DHRSX: variants seen among roughly 807,000 people sequenced by gnomAD.
DHRSX encodes the protein dehydrogenase/reductase X-linked.
DHRSX carries 31 observed loss-of-function variants against 34.0 expected under a neutral mutation model. The ratio of observed to expected loss-of-function variants is 0.91; its 90% CI spans 0.69 to 1.23. The LOEUF (loss-of-function observed/expected upper bound fraction) is 1.23. Among genes scored for constraint, DHRSX ranks in the 50% most tolerant of loss-of-function variants. The probability of loss-of-function intolerance (pLI) is 0.00; values close to 1 mark genes in which losing one functional copy is unlikely to be tolerated. For missense variants in DHRSX, 414 were observed against 428.1 expected, an observed-to-expected ratio of 0.97 and a Z score of 0.29; for synonymous variants, 201 against 183.8, an observed-to-expected ratio of 1.09 and a Z score of -0.76.
chrX:2,359,686 AAAG>A (rs1341348056), intron 3 of DHRSX, among the ~76,000 whole-genome samples: 1 of 152,052 alleles, frequency 6.6e-6, no homozygotes, highest in Non-Finnish European at 1.5e-5. Context: ...TATCAAAAAA[AAAG>A]AAAGAAAGAA....
rs997771867 is a variant in DHRSX at position 2,395,596 on chromosome X, C to T, written c.286+13149G>A. Among the ~76,000 whole-genome samples, 6 of 152,086 alleles carry T rather than the reference C, an allele frequency of 3.9e-5. No homozygotes were observed. In the South Asian group the frequency reaches 6.2e-4, roughly 16 times the overall value. On this transcript the variant is annotated intron_variant, in intron 3 of 6. Transcript: ENST00000334651. ...GAGAGGACTGAGTAAGGGATGTTCC[C>T]GTGACTGCAAGGAAGGCATGGATGG...
At chrX:2,335,139 C>T (rs1316380267) in intron 3 of DHRSX, among the ~76,000 whole-genome samples, 1 of 147,992 alleles carries the variant, frequency 6.8e-6, no homozygotes, top group Admixed American at 6.8e-5. Flanking sequence ...GAGCCGAGAT[C>T]GTACCACTGC....
chrX:2,291,673 A>G, intron 3 of DHRSX, 70 bp from the exon 4 acceptor site: 1 of 1,126,646 alleles, frequency 8.9e-7, no homozygotes, highest in Non-Finnish European at 1.4e-6. Context: ...GAAAATTTCT[A>G]AACAGGTCAA....
At chrX:2,414,002 G>A (rs971652545) in intron 2 of DHRSX, among the ~76,000 whole-genome samples, 7 of 150,794 alleles carry the variant, frequency 4.6e-5, no homozygotes, top group Admixed American at 1.3e-4. Flanking sequence ...CACAACCAAC[G>A]ACACTAGACC....
At chrX:2,498,366 G>A (rs1050438846) in intron 1 of DHRSX, among the ~76,000 whole-genome samples, 2 of 152,180 alleles carry the variant, frequency 1.3e-5, no homozygotes, top group African/African-American at 2.4e-5. Flanking sequence ...CTACCAGAGA[G>A]AAGCAAATAA....
intron 3 of DHRSX, among the ~76,000 whole-genome samples, chrX:2,323,430 G>A (rs1359633022): frequency 6.6e-6 from 1 of 152,034 alleles, no homozygotes; most frequent in Non-Finnish European, 1.5e-5. Context: ...CTCAAGACAG[G>A]CCAAGGCAGA....
chrX:2,245,447 T>A (rs1286499225), intron 5 of DHRSX, among the ~76,000 whole-genome samples: 1 of 151,854 alleles, frequency 6.6e-6, no homozygotes, highest in Non-Finnish European at 1.5e-5. Context: ...TAGCTGGGAT[T>A]ACCAGCGCCC....
intron 3 of DHRSX, among the ~76,000 whole-genome samples, chrX:2,359,374 A>G (rs1362106032): frequency 2.6e-5 from 4 of 152,222 alleles, no homozygotes. Context: ...TGGTAGACAG[A>G]ATAAAGAAAA....
chrX:2,497,381 G>A (rs1048948992), intron 1 of DHRSX, among the ~76,000 whole-genome samples: 36 of 152,090 alleles, frequency 2.4e-4, no homozygotes, highest in Non-Finnish European at 4.3e-4. Flanking sequence ...AAACAAAAGC[G>A]AAACTTGGTC....
At chrX:2,347,162 G>T (rs1354450094) in intron 3 of DHRSX, among the ~76,000 whole-genome samples, 1 of 152,140 alleles carries the variant, frequency 6.6e-6, no homozygotes, top group Non-Finnish European at 1.5e-5. Context: ...GGTTTAACTG[G>T]ACTTACAGTT....
chrX:2,289,070 C>T (rs1462388713), intron 4 of DHRSX, among the ~76,000 whole-genome samples: 4 of 152,128 alleles, frequency 2.6e-5, no homozygotes, highest in Non-Finnish European at 5.9e-5. Flanking sequence ...TCTGCTCCCC[C>T]CAGAACACAG....
chrX:2,455,951 C>T (rs774422790), intron 1 of DHRSX, among the ~76,000 whole-genome samples: 1 of 152,138 alleles, frequency 6.6e-6, no homozygotes, highest in South Asian at 2.1e-4. Context: ...CTGCTCTGGG[C>T]TTCCACAAAT....
chrX:2,262,728 G>A (rs1424645771), intron 5 of DHRSX, among the ~76,000 whole-genome samples: 7 of 152,320 alleles, frequency 4.6e-5, no homozygotes, highest in South Asian at 2.1e-4. Context: ...TCAGCTGCCC[G>A]GAGAAGATGA....
intron 4 of DHRSX, among the ~76,000 whole-genome samples, chrX:2,270,289 A>C (rs776885862): frequency 2.6e-5 from 4 of 152,140 alleles, no homozygotes; most frequent in African/African-American, 9.6e-5. Context: ...TTCCCAAAGA[A>C]CCAAGCAGGA....
chrX:2,479,508 A>C lies in DHRSX; in HGVS notation c.109+21309T>G, dbSNP rs751160119. ...CGGGACCACCGTGTACGCACTGAAGACATTCCGTAAGAATGCGACCAGGGG... is the reference window on the plus strand; with the variant it reads ...CGGGACCACCGTGTACGCACTGAAGCCATTCCGTAAGAATGCGACCAGGGG... On this transcript the variant is annotated intron_variant, in intron 1 of 6. Transcript: ENST00000334651. Among the ~76,000 whole-genome samples, 52 of 151,862 alleles carry C rather than the reference A, an allele frequency of 3.4e-4. 1 individual carries two copies. The East Asian group carries it at 3.5e-3, about 10-fold the overall frequency.
chrX:2,364,979 G>A (rs144391389), intron 3 of DHRSX, among the ~76,000 whole-genome samples: 2,314 of 152,116 alleles, frequency 0.015, 65 homozygotes, highest in African/African-American at 0.052. Context: ...GTTTTCAACT[G>A]AGCAAAATTT....
intron 1 of DHRSX, among the ~76,000 whole-genome samples, chrX:2,445,216 G>A (rs1031925432): frequency 9.9e-5 from 15 of 152,056 alleles, no homozygotes; most frequent in Non-Finnish European, 2.1e-4. Context: ...GGCCGAAAAG[G>A]GCTAACTATA....
At chrX:2,229,756 CATGT>C (rs1000910005) in intron 6 of DHRSX, among the ~76,000 whole-genome samples, 7 of 151,708 alleles carry the variant, frequency 4.6e-5, no homozygotes, top group African/African-American at 1.7e-4. Context: ...TATGTGCATG[CATGT>C]GTGTGGGGGC....
At chrX:2,331,351 A>C (rs2042469904) in intron 3 of DHRSX, among the ~76,000 whole-genome samples, 1 of 151,064 alleles carries the variant, frequency 6.6e-6, no homozygotes, top group African/African-American at 2.4e-5. Context: ...ATTTCTGTTA[A>C]TGTGGATATC....
Sources: allele counts gnomAD v4.1 joint callset (sites outside exome capture counted in the v4.1 genomes callset), GRCh38; gene constraint gnomAD v4.1.1; transcripts MANE v1.5; gene names NCBI Gene and HGNC (gene_info 2026-07-23, HGNC 2026-07-21).